The following RBM19 variants were observed in gnomAD, a reference collection of about 807,000 sequenced individuals.
RBM19 encodes probable RNA-binding protein 19.
A neutral mutation model predicts 116.8 loss-of-function variants in RBM19; 94 were observed. The ratio of observed to expected loss-of-function variants is 0.80; its 90% CI spans 0.68 to 0.95. The LOEUF is 0.95. Ranked by LOEUF, RBM19 falls within the 40% of genes least tolerant of loss-of-function variation. The pLI is 0.00. For synonymous variants in RBM19, 475 were observed against 494.1 expected, an observed-to-expected ratio of 0.96 and a Z score of 0.51; for missense variants, 1,161 against 1,220.7, an observed-to-expected ratio of 0.95 and a Z score of 0.73.
At chr12:113,894,960 A>G (rs998787545) in intron 21 of RBM19, among the ~76,000 whole-genome samples, 1 of 152,224 alleles carries the variant, frequency 6.6e-6, no homozygotes, top group Admixed American at 6.5e-5. Flanking sequence ...TCTTCTGGCC[A>G]GAGGACAAGG....
chr12:113,829,788 C>G (rs1010699856), intron 23 of RBM19, among the ~76,000 whole-genome samples: 1 of 152,208 alleles, frequency 6.6e-6, no homozygotes, highest in African/African-American at 2.4e-5. Flanking sequence ...CAGGGCCCGG[C>G]CCGTTGAGGT....
At chr12:113,943,245 A>G (rs541812166) in intron 13 of RBM19, among the ~76,000 whole-genome samples, 1 of 152,090 alleles carries the variant, frequency 6.6e-6, no homozygotes, top group Non-Finnish European at 1.5e-5. Context: ...CCTCATCGGA[A>G]AGCACCAGAG....
chr12:113,848,992 T>C (rs1877222340), intron 22 of RBM19, among the ~76,000 whole-genome samples: 1 of 152,204 alleles, frequency 6.6e-6, no homozygotes, highest in Non-Finnish European at 1.5e-5. Flanking sequence ...TTCTCCTATT[T>C]CAATGAATGG....
In RBM19 at chr12:113,823,151, T is replaced by C; in HGVS notation, c.*73A>G. The C allele has an allele frequency of 8.7e-7, 1 of 1,152,218 alleles. No homozygotes were observed. Among genetic ancestry groups the C allele is most frequent in the Non-Finnish European group, 1.2e-6 (1 of 802,800 alleles). 71.4% of individuals were successfully genotyped at this position (1,152,218 alleles called of 1,614,324 possible). A position where few individuals can be genotyped will look rare whatever the true frequency, so the allele number is the denominator to read the frequency against. Reference sequence around the variant, plus strand: ...CCGCCCCGCCCCCCAGCCCACATGGTGGTGAGTGCAGAAGCTGGAGCGGCT... The same window carrying C: ...CCGCCCCGCCCCCCAGCCCACATGGCGGTGAGTGCAGAAGCTGGAGCGGCT... On this transcript the variant is annotated 3_prime_UTR_variant, in exon 24 of 24. Transcript: ENST00000261741.
At chr12:113,920,029 C>T (rs991408565) in intron 19 of RBM19, among the ~76,000 whole-genome samples, 2 of 152,208 alleles carry the variant, frequency 1.3e-5, no homozygotes, top group East Asian at 3.9e-4. Context: ...CACGCCGCCC[C>T]TGCCACAGTG....
chr12:113,960,213 A>G (rs1454917856), intron 2 of RBM19, 35 bp from the exon 3 acceptor site: 8 of 1,612,140 alleles, frequency 5.0e-6, no homozygotes, highest in African/African-American at 1.3e-5. Context: ...CACACCTGCC[A>G]TGGCACCCAG....
In RBM19 at chr12:113,873,843, C is replaced by T. The variant is rs530557862; in HGVS notation, c.2559-14947G>A. ...TTGTTCAGTGATGGGAGAAATGAGA[C>T]GCATGGTGCGGGTGATGAGCTGAGT... On this transcript the variant is annotated intron_variant, in intron 21 of 23. Coordinates refer to ENST00000261741, the MANE Select transcript of RBM19 (RefSeq NM_016196.4). Among the ~76,000 whole-genome samples the T allele has an allele frequency of 5.1e-4, 77 of 152,290 alleles. 1 individual carries two copies. The highest frequency in any genetic ancestry group is 1.8e-3 in the African/African-American group (75 of 41,564).
intron 1 of RBM19, among the ~76,000 whole-genome samples, chr12:113,963,902 A>G (rs1156353703): frequency 6.6e-6 from 1 of 152,214 alleles, no homozygotes; most frequent in Non-Finnish European, 1.5e-5. Context: ...ATTTCCCAAG[A>G]CAGGCCCTGG....
intron 21 of RBM19, among the ~76,000 whole-genome samples, chr12:113,863,236 T>TGA (rs1555232815): frequency 1.2e-4 from 17 of 142,186 alleles, no homozygotes; most frequent in South Asian, 9.0e-4. Flanking sequence ...TGTGTGTGTG[T>TGA]GGGGCCAGCG....
At chr12:113,862,010 G>GT in intron 21 of RBM19, among the ~76,000 whole-genome samples, 1 of 152,322 alleles carries the variant, frequency 6.6e-6, no homozygotes, top group South Asian at 2.1e-4. Flanking sequence ...CAGTGAGCAG[G>GT]TTTCTTTCCT....
chr12:113,910,298 C>A (rs545624007), intron 21 of RBM19, among the ~76,000 whole-genome samples: 2 of 152,208 alleles, frequency 1.3e-5, no homozygotes, highest in Non-Finnish European at 2.9e-5. Context: ...ACCCTGCAGG[C>A]GAGCAAACTA....
chr12:113,965,285 AAAAAAAACAAAAAAAG>A (rs1359009519), intron 1 of RBM19, among the ~76,000 whole-genome samples: 26 of 147,958 alleles, frequency 1.8e-4, no homozygotes, highest in Non-Finnish European at 3.5e-4. Context: ...CCGTTTAAAA[AAAAAAAACAAAAAAAG>A]AAAAAAACAA....
intron 23 of RBM19, among the ~76,000 whole-genome samples, chr12:113,837,437 C>A (rs7958163): frequency 0.47 from 71,403 of 152,098 alleles, 20,189 homozygotes; most frequent in African/African-American, 0.75. Flanking sequence ...CCCGAAGGAC[C>A]ATGAGGCCCC....
chr12:113,930,315 C>T (rs958491325), intron 16 of RBM19, among the ~76,000 whole-genome samples: 1 of 152,224 alleles, frequency 6.6e-6, no homozygotes, highest in South Asian at 2.1e-4. Flanking sequence ...GAGCCCAGAA[C>T]CCCTCAGCAT....
chr12:113,965,149 T>A lies in RBM19; in HGVS notation c.36+1043A>T, dbSNP rs1872765405. Reference sequence around the variant, plus strand: ...TTAGTCGGGCTTGGTGGCGCGTGTCTGTAGTCCCAGCTACTTGGGAGGCTG... The same window carrying A: ...TTAGTCGGGCTTGGTGGCGCGTGTCAGTAGTCCCAGCTACTTGGGAGGCTG... On this transcript the variant is annotated intron_variant, in intron 1 of 23. Transcript: ENST00000261741. Among the ~76,000 whole-genome samples the A allele has an allele frequency of 2.6e-5, 4 of 151,584 alleles. No individual in the cohort carries two copies. The South Asian group carries it at 8.3e-4, about 31-fold the overall frequency.
At chr12:113,852,714 C>T (rs915812145) in intron 22 of RBM19, among the ~76,000 whole-genome samples, 32 of 152,200 alleles carry the variant, frequency 2.1e-4, no homozygotes, top group Non-Finnish European at 3.8e-4. Context: ...TCACAAACGC[C>T]TCAAGGGCAG....
At position 113,835,070 on chromosome 12, in the gene RBM19, C is replaced by T. The variant is rs528788602; in HGVS notation, c.2785+9598G>A. ...GCACCCAGTCAGGAATATCTGGCTT[C>T]GACCACACAGGGCTCCAGTGCCGAC... On this transcript the variant is annotated intron_variant, in intron 23 of 23. Coordinates refer to ENST00000261741, the MANE Select transcript of RBM19 (RefSeq NM_016196.4). Among the ~76,000 whole-genome samples the T allele has an allele frequency of 8.5e-5, 13 of 152,226 alleles. No individual in the cohort carries two copies. The East Asian group carries it at 1.4e-3, about 16-fold the overall frequency.
At chr12:113,818,958 T>C (rs1261662674), downstream of RBM19, among the ~76,000 whole-genome samples, 1 of 152,174 alleles carries the variant, frequency 6.6e-6, no homozygotes, top group Non-Finnish European at 1.5e-5. Context: ...GGTGGACCCT[T>C]GGTGGAGACG....
intron 23 of RBM19, among the ~76,000 whole-genome samples, chr12:113,837,809 C>A (rs1476958214): frequency 1.3e-5 from 2 of 152,128 alleles, no homozygotes; most frequent in Non-Finnish European, 2.9e-5. Context: ...CAGAGGATTG[C>A]GACAGTACAG....
Sources: gnomAD v4.1 joint callset for allele counts (sites outside exome capture counted in the v4.1 genomes callset) on GRCh38, gnomAD v4.1.1 for gene constraint, MANE v1.5 for transcripts, NCBI Gene and HGNC (gene_info 2026-07-23, HGNC 2026-07-21) for gene names.